The following KCNQ1 variants were observed in gnomAD, a reference collection of about 807,000 sequenced individuals.
The protein encoded by KCNQ1 is potassium voltage-gated channel subfamily Q member 1.
A neutral mutation model predicts 72.4 loss-of-function variants in KCNQ1; 49 were observed. The ratio of observed to expected loss-of-function variants is 0.68; its 90% CI spans 0.54 to 0.86. The LOEUF is 0.86. Ranked by LOEUF, KCNQ1 falls within the 40% of genes least tolerant of loss-of-function variation. The probability of loss-of-function intolerance (pLI) is 0.00; values close to 1 mark genes in which losing one functional copy is unlikely to be tolerated. For missense variants in KCNQ1, 790 were observed against 945.1 expected (o/e 0.84, Z 2.15); for synonymous variants, 450 against 412.6 (o/e 1.09, Z -1.10).
chr11:2,524,795 GATA>G (rs1048348303), intron 1 of KCNQ1, among the ~76,000 whole-genome samples: 2 of 152,220 alleles, frequency 1.3e-5, no homozygotes, highest in East Asian at 3.9e-4. Context: ...TCTTTGTGTT[GATA>G]AGGAAACTGA....
Position 2,450,570 on chromosome 11 carries a change from C to T in KCNQ1, c.386+5086C>T, listed in dbSNP as rs61873493. 6.5e-3 allele frequency among the ~76,000 whole-genome samples: 996 copies of T among 152,126 alleles called. 3 individuals are homozygous for T. Among genetic ancestry groups the T allele is most frequent in the African/African-American group, 0.014 (565 of 41,500 alleles). The stretch of plus-strand genomic sequence containing the variant: ...CTGTCACTGTGGGTCACTCCAGCCC[C>T]GGATGCTCCTACACCATGCTCTGCT... On this transcript the variant is annotated intron_variant, in intron 1 of 15. Coordinates refer to ENST00000155840, the MANE Select transcript of KCNQ1 (RefSeq NM_000218.3). This position sits in a 1 kb window ranked among gnomAD's most constrained non-coding sequence, Gnocchi z 7.9.
chr11:2,793,282 G>A (rs555791668), intron 15 of KCNQ1, among the ~76,000 whole-genome samples: 19 of 152,334 alleles, frequency 1.2e-4, no homozygotes, highest in Admixed American at 9.8e-4. Flanking sequence ...TGCACTAGCA[G>A]GGTCATGTGA....
intron 10 of KCNQ1, chr11:2,660,425 A>G: frequency 2.5e-6 from 1 of 398,652 alleles, no homozygotes. Flanking sequence ...CTTTAAAAAC[A>G]TAAAACATTT....
intron 11 of KCNQ1, among the ~76,000 whole-genome samples, chr11:2,700,231 G>A (rs950220259): frequency 6.6e-6 from 1 of 152,066 alleles, no homozygotes; most frequent in African/African-American, 2.4e-5. Context: ...CTGGCTGGGT[G>A]TGAGGTGGCG....
chr11:2,686,514 C>G (rs1850492463), intron 11 of KCNQ1: 1 of 398,580 alleles, frequency 2.5e-6, no homozygotes, highest in Non-Finnish European at 4.4e-6. Flanking sequence ...AGTCTCACTC[C>G]CGTCACGGAA....
In KCNQ1 at chr11:2,483,049, T is replaced by G. The variant is rs1166342266; in HGVS notation, c.386+37565T>G. Among the ~76,000 whole-genome samples the G allele has an allele frequency of 6.6e-6, 1 of 151,844 alleles. No homozygotes were observed. Among genetic ancestry groups the G allele is most frequent in the Non-Finnish European group, 1.5e-5 (1 of 67,922 alleles). On this transcript the variant is annotated intron_variant, in intron 1 of 15. Coordinates refer to ENST00000155840, the MANE Select transcript of KCNQ1 (RefSeq NM_000218.3). This position sits in a 1 kb window ranked among gnomAD's most constrained non-coding sequence, Gnocchi z 6.1. ...TTTGTGGAGGGGAGTCGGACACAGA[T>G]GGGATTTCAGCAGAGACCTGATGGA...
chr11:2,687,469 G>C lies in KCNQ1; in HGVS notation c.1514+25388G>C. 2.5e-6 allele frequency: 1 copy of C among 398,802 alleles called. No homozygotes were observed. The allele number at this position is 398,802 out of a possible 1,614,324, so 24.7% of individuals were successfully genotyped here. On this transcript the variant is annotated intron_variant, in intron 11 of 15. Transcript: ENST00000155840. The surrounding 1 kb of genome is among the most constrained non-coding windows in gnomAD (Gnocchi z 5.0). ...CCCTGCCTGCACAAGAGCTGCTGCA[G>C]CATTTCAATAGGGCCATCCCAGGCA... is the stretch of plus-strand genomic sequence containing the variant.
At position 2,691,956 on chromosome 11, in the gene KCNQ1, A is replaced by C; in HGVS notation, c.1514+29875A>C. 1 of 398,588 alleles carries C rather than the reference A, an allele frequency of 2.5e-6. No individual in the cohort carries two copies. The highest frequency in any genetic ancestry group is 3.6e-5 in the East Asian group (1 of 28,074). The allele number at this position is 398,588 out of a possible 1,614,324, so 24.7% of individuals were successfully genotyped here. A position where few individuals can be genotyped will look rare whatever the true frequency, so the allele number is the denominator to read the frequency against. On this transcript the variant is annotated intron_variant, in intron 11 of 15. Transcript: ENST00000155840. This position sits in a 1 kb window ranked among gnomAD's most constrained non-coding sequence, Gnocchi z 6.4. ...CCTTCTGGCATGGCCACTAAATGCCAGTGCCTTTCTCTATGCAAACCATTT... is the reference window on the plus strand; with the variant it reads ...CCTTCTGGCATGGCCACTAAATGCCCGTGCCTTTCTCTATGCAAACCATTT...
chr11:2,633,355 A>T (rs1849395868), intron 10 of KCNQ1: 1 of 398,154 alleles, frequency 2.5e-6, no homozygotes, highest in South Asian at 1.3e-4. Context: ...ATTTCCTTTT[A>T]TGTGTAGGTT....
Position 2,830,487 on chromosome 11 carries a change from T to C in KCNQ1, c.1795-17280T>C, listed in dbSNP as rs1285041411. Among the ~76,000 whole-genome samples, 2 of 152,096 alleles carry C rather than the reference T, an allele frequency of 1.3e-5. No individual in the cohort carries two copies. Among genetic ancestry groups the C allele is most frequent in the Non-Finnish European group, 2.9e-5 (2 of 67,988 alleles). ...AACCACACCCAGTCTAGTCAGCATG[T>C]ATCCCCACACCCCAGTCCCAGTGTC... On this transcript the variant is annotated intron_variant, in intron 15 of 15. Transcript: ENST00000155840. This position sits in a 1 kb window ranked among gnomAD's most constrained non-coding sequence, Gnocchi z 7.7.
intron 10 of KCNQ1, chr11:2,622,294 T>G: frequency 2.5e-6 from 1 of 398,378 alleles, no homozygotes; most frequent in East Asian, 3.6e-5. Flanking sequence ...TTTCTCAGTA[T>G]GTAATGTCCT....
intron 15 of KCNQ1, among the ~76,000 whole-genome samples, chr11:2,836,194 T>C (rs183784945): frequency 4.7e-4 from 72 of 152,220 alleles, no homozygotes; most frequent in Non-Finnish European, 1.9e-4. Context: ...GGGACACGAC[T>C]AGTGGCTCAA....
rs1845947601 is a variant in KCNQ1, at chr11:2,735,892, C to T, written c.1515-32952C>T. On this transcript the variant is annotated intron_variant, in intron 11 of 15. Coordinates refer to ENST00000155840, the MANE Select transcript of KCNQ1 (RefSeq NM_000218.3). This position sits in a 1 kb window ranked among gnomAD's most constrained non-coding sequence, Gnocchi z 7.7. ...TTATACCCCCATTCTGCTTTAATTA[C>T]TTCTTATAAGACCCCATCTCCAGAC... Among the ~76,000 whole-genome samples, 1 of 152,186 alleles carries T rather than the reference C, an allele frequency of 6.6e-6. No homozygotes were observed. Among genetic ancestry groups the T allele is most frequent in the African/African-American group, 2.4e-5 (1 of 41,434 alleles).
rs551744463 is a variant in KCNQ1 at position 2,536,618 on chromosome 11, G to A, written c.477+8600G>A. The stretch of plus-strand genomic sequence containing the variant: ...TCAGGCGGGTCTGGAACCCAACAGA[G>A]CTGGTTTGGGCCACAGCAGTGGCTT... On this transcript the variant is annotated intron_variant, in intron 2 of 15. Transcript: ENST00000155840. This position sits in a 1 kb window ranked among gnomAD's most constrained non-coding sequence, Gnocchi z 7.4. 6.6e-6 allele frequency among the ~76,000 whole-genome samples: 1 copy of A among 152,324 alleles called. No individual in the cohort carries two copies. The highest frequency in any genetic ancestry group is 2.1e-4 in the South Asian group (1 of 4,818).
chr11:2,449,547 C>T (rs937126295), intron 1 of KCNQ1, among the ~76,000 whole-genome samples: 3 of 152,172 alleles, frequency 2.0e-5, no homozygotes, highest in South Asian at 2.1e-4. Context: ...AGTTCTGCCA[C>T]GTGCCATCCT....
In KCNQ1 at chr11:2,495,421, G is replaced by A. The variant is rs962174596; in HGVS notation, c.387-32507G>A. ...TCTTGCTTCTCTAGTTCTTTTAATT[G>A]TGATGTTTGGGTGTCGATTTCAGAT... On this transcript the variant is annotated intron_variant, in intron 1 of 15. Coordinates refer to ENST00000155840, the MANE Select transcript of KCNQ1 (RefSeq NM_000218.3). This position sits in a 1 kb window ranked among gnomAD's most constrained non-coding sequence, Gnocchi z 4.6. Among the ~76,000 whole-genome samples, 3 of 152,036 alleles carry A rather than the reference G, an allele frequency of 2.0e-5. No homozygotes were observed. Among genetic ancestry groups the A allele is most frequent in the South Asian group, 4.1e-4 (2 of 4,822 alleles).
intron 1 of KCNQ1, among the ~76,000 whole-genome samples, chr11:2,505,606 C>T (rs949688765): frequency 3.3e-5 from 5 of 152,154 alleles, no homozygotes; most frequent in African/African-American, 9.7e-5. Flanking sequence ...TTTCTCCCTT[C>T]GGTTCTGTAA....
rs937916230 is a variant in KCNQ1, at chr11:2,462,586, C to A, written c.386+17102C>A. ...GAGTGGCAGGGACGTGCTCCCACAC[C>A]CCCATGCGCCATCCTGCAGGTGCTT... On this transcript the variant is annotated intron_variant, in intron 1 of 15. Transcript: ENST00000155840. The surrounding 1 kb of genome is among the most constrained non-coding windows in gnomAD (Gnocchi z 8.2). 6.6e-6 allele frequency among the ~76,000 whole-genome samples: 1 copy of A among 152,172 alleles called. No homozygotes were observed. The highest frequency in any genetic ancestry group is 1.5e-5 in the Non-Finnish European group (1 of 68,034).
Position 2,647,042 on chromosome 11 carries a change from G to C in KCNQ1, c.1394-14919G>C, listed in dbSNP as rs1306407983. 2.5e-6 allele frequency: 1 copy of C among 398,440 alleles called. No individual in the cohort carries two copies. Among genetic ancestry groups the C allele is most frequent in the East Asian group, 3.6e-5 (1 of 28,080 alleles). The allele number at this position is 398,440 out of a possible 1,614,324, so 24.7% of individuals were successfully genotyped here. Reference sequence around the variant, plus strand: ...ACTCTGCTGAATAAGAATAGTGAAAGTGGGCATCCTTGTCTTGTTCTAGTT... The same window carrying C: ...ACTCTGCTGAATAAGAATAGTGAAACTGGGCATCCTTGTCTTGTTCTAGTT... On this transcript the variant is annotated intron_variant, in intron 10 of 15. Transcript: ENST00000155840. The surrounding 1 kb of genome is among the most constrained non-coding windows in gnomAD (Gnocchi z 4.0).
Sources: gnomAD v4.1 joint callset for allele counts (sites outside exome capture counted in the v4.1 genomes callset) on GRCh38, gnomAD v4.1.1 for gene constraint, Gnocchi (gnomAD v3.1) non-coding constraint, MANE v1.5 for transcripts, NCBI Gene and HGNC (gene_info 2026-07-23, HGNC 2026-07-21) for gene names.